The following WHRN variants were observed in gnomAD, a reference collection of about 807,000 sequenced individuals.
WHRN encodes the protein whirlin.
WHRN carries 41 observed loss-of-function variants against 68.3 expected under a neutral mutation model. That is an observed-to-expected ratio of 0.60 (90% CI 0.47 to 0.78). WHRN has a LOEUF of 0.78. Among genes scored for constraint, WHRN ranks in the 30% least tolerant of loss-of-function variants. WHRN has a pLI of 0.00. For missense variants in WHRN, 1,243 were observed against 1,244.7 expected (o/e 1.00, Z 0.02); for synonymous variants, 560 against 561.3 (o/e 1.00, Z 0.03).
intron 4 of WHRN, chr9:114,425,677 T>G (rs767713280): frequency 1.7e-5 from 4 of 238,172 alleles, no homozygotes; most frequent in Non-Finnish European, 3.3e-5. Context: ...TGCAGTGTAT[T>G]TGGCCAGGTG....
intron 7 of WHRN, among the ~76,000 whole-genome samples, chr9:114,419,585 G>C (rs550158897): frequency 6.6e-6 from 1 of 152,348 alleles, no homozygotes; most frequent in East Asian, 1.9e-4. Flanking sequence ...CACTCCCCTT[G>C]GGAGGATCAG....
Position 114,426,127 on chromosome 9 carries a change from C to T in WHRN, c.1166+84G>A, listed in dbSNP as rs558011336. ...CTGCAGGCTGAGAGGAGAGCCAGGG[C>T]GGTGGAGGGATGGGAGGCAGCTATC... On this transcript the variant is annotated intron_variant, in intron 4 of 11. Coordinates refer to ENST00000362057, the MANE Select transcript of WHRN (RefSeq NM_015404.4). The T allele has an allele frequency of 6.6e-5, 104 of 1,571,716 alleles. 1 individual carries two copies. In the Admixed American group the frequency reaches 1.2e-3, roughly 18 times the overall value.
In WHRN at chr9:114,504,745, G is replaced by A; in HGVS notation, c.57C>T (p.Gly19=). 4 of 1,507,268 alleles carry A rather than the reference G, an allele frequency of 2.7e-6. No individual in the cohort carries two copies. Among genetic ancestry groups the A allele is most frequent in the Non-Finnish European group, 3.5e-6 (4 of 1,137,570 alleles). The allele number at this position is 1,507,268 out of a possible 1,614,324, so 93.4% of individuals were successfully genotyped here. A position where few individuals can be genotyped will look rare whatever the true frequency, so the allele number is the denominator to read the frequency against. The part of the protein sequence containing the change: ...SVSSSSTGSL[G]SAAGAGGGGG... Reference sequence around the variant, plus strand: ...CGCCGCCGCCCGCCCCGGCCGCCGAGCCCAGCGAGCCGGTGGAGGACGAGC... The same window carrying A: ...CGCCGCCGCCCGCCCCGGCCGCCGAACCCAGCGAGCCGGTGGAGGACGAGC... The change falls in exon 1 of 12, where the codon GGC becomes GGT. Residue 19 remains glycine, a synonymous_variant. Transcript: ENST00000362057.
intron 1 of WHRN, among the ~76,000 whole-genome samples, chr9:114,486,293 G>A (rs1011526639): frequency 1.3e-5 from 2 of 151,886 alleles, no homozygotes; most frequent in East Asian, 1.9e-4. Context: ...CCTTTCCCAC[G>A]ACCTCCAGAA....
chr9:114,495,046 T>C (rs533923870), intron 1 of WHRN, among the ~76,000 whole-genome samples: 2 of 152,048 alleles, frequency 1.3e-5, no homozygotes, highest in South Asian at 4.2e-4. Context: ...ACAGGATAAG[T>C]GGTGTCAACA....
intron 3 of WHRN, among the ~76,000 whole-genome samples, chr9:114,451,413 C>T (rs898251107): frequency 6.6e-6 from 1 of 152,186 alleles, no homozygotes; most frequent in Non-Finnish European, 1.5e-5. Flanking sequence ...CCTCCTGGGG[C>T]TGCCAAGAGG....
At chr9:114,457,432 T>C (rs1407615159) in intron 3 of WHRN, among the ~76,000 whole-genome samples, 1 of 152,112 alleles carries the variant, frequency 6.6e-6, no homozygotes, top group African/African-American at 2.4e-5. Context: ...GCCATAATAG[T>C]GTCATTACGT....
In WHRN at chr9:114,501,551, T is replaced by TACACACACACACACAC. The variant is rs59195050; in HGVS notation, c.618+2617_618+2632dup. Among the ~76,000 whole-genome samples, 371 of 144,958 alleles carry TACACACACACACACAC rather than the reference T, an allele frequency of 2.6e-3. 5 individuals carry two copies. Among genetic ancestry groups the TACACACACACACACAC allele is most frequent in the Admixed American group, 0.018 (264 of 14,528 alleles). ...AAATTTAATTTAATTTAATTTTTAT[T>TACACACACACACACAC]ACACACACACACACACACACACACA... On this transcript the variant is annotated intron_variant, in intron 1 of 11. Coordinates refer to ENST00000362057, the MANE Select transcript of WHRN (RefSeq NM_015404.4).
chr9:114,414,500 T>C (rs748498639), intron 7 of WHRN, among the ~76,000 whole-genome samples: 13 of 152,176 alleles, frequency 8.5e-5, no homozygotes, highest in Non-Finnish European at 1.5e-4. Flanking sequence ...CCTAAGTCAG[T>C]GCTTTGTCCA....
chr9:114,415,877 GC>G (rs1289900249), intron 7 of WHRN, among the ~76,000 whole-genome samples: 2 of 151,996 alleles, frequency 1.3e-5, no homozygotes, highest in African/African-American at 4.8e-5. Flanking sequence ...GAAAAATAAG[GC>G]CCTTTGACAG....
In WHRN at chr9:114,486,409, G is replaced by C. The variant is rs374435337; in HGVS notation, c.619-7638C>G. Among the ~76,000 whole-genome samples the C allele has an allele frequency of 5.3e-5, 8 of 152,254 alleles. No individual in the cohort carries two copies. In the East Asian group the frequency reaches 1.2e-3, roughly 22 times the overall value. ...GGCTCTGAGTCACATTCGTGATCTT[G>C]TCTTTAAGACTACAAGACAAGTTCC... On this transcript the variant is annotated intron_variant, in intron 1 of 11. Coordinates refer to ENST00000362057, the MANE Select transcript of WHRN (RefSeq NM_015404.4).
At chr9:114,404,366 G>C (rs1412306436) in intron 9 of WHRN, among the ~76,000 whole-genome samples, 1 of 152,222 alleles carries the variant, frequency 6.6e-6, no homozygotes, top group Non-Finnish European at 1.5e-5. Context: ...ATAAAACAGA[G>C]GTCAGGAGGC....
At chr9:114,421,179 C>T (rs1836249149) in intron 7 of WHRN, among the ~76,000 whole-genome samples, 1 of 152,216 alleles carries the variant, frequency 6.6e-6, no homozygotes, top group African/African-American at 2.4e-5. Flanking sequence ...GGCTTGCCTT[C>T]CCCAGGGTGC....
chr9:114,445,889 T>A (rs1475051950), intron 3 of WHRN, among the ~76,000 whole-genome samples: 1 of 152,194 alleles, frequency 6.6e-6, no homozygotes, highest in African/African-American at 2.4e-5. Flanking sequence ...TAGAAACAGC[T>A]AAATGCCTGA....
rs144857920 is a variant in WHRN at position 114,415,584 on chromosome 9, G to T, written c.1627-7566C>A. 3.2e-3 allele frequency among the ~76,000 whole-genome samples: 485 copies of T among 152,254 alleles called. 2 individuals are homozygous for T. The highest frequency in any genetic ancestry group is 4.7e-3 in the Non-Finnish European group (323 of 68,030). On this transcript the variant is annotated intron_variant, in intron 7 of 11. Coordinates refer to ENST00000362057, the MANE Select transcript of WHRN (RefSeq NM_015404.4). ...TCCCCAAGTACCCCAGACTGGTCGG[G>T]GCCCATGTATGTTCTCACACCACCC...
At chr9:114,491,555 C>A in intron 1 of WHRN, 2 of 181,600 alleles carry the variant, frequency 1.1e-5, no homozygotes, top group South Asian at 2.7e-4. Flanking sequence ...GAGCCGCTGC[C>A]ATCACCATGA....
chr9:114,491,954 T>C (rs1313645981), intron 1 of WHRN, among the ~76,000 whole-genome samples: 1 of 151,186 alleles, frequency 6.6e-6, no homozygotes, highest in Admixed American at 6.6e-5. Flanking sequence ...GGTTACCCCT[T>C]CCCAGTGTTT....
chr9:114,468,336 G>A (rs945532543), intron 2 of WHRN, among the ~76,000 whole-genome samples: 6 of 152,202 alleles, frequency 3.9e-5, no homozygotes, highest in South Asian at 4.2e-4. Context: ...TCACACAGTC[G>A]CAGCCAACTC....
rs77595841 is a variant in WHRN at position 114,446,320 on chromosome 9, T to C, written c.964-19907A>G. On this transcript the variant is annotated intron_variant, in intron 3 of 11. Transcript: ENST00000362057. ...TCTAGAGAGACAGAAAGCAGATTAG[T>C]AGCAGTTTTCAGGGAGTGAAGGGAG... Among the ~76,000 whole-genome samples the C allele has an allele frequency of 1.3e-3, 192 of 151,676 alleles. 1 individual carries two copies. Among genetic ancestry groups the C allele is most frequent in the African/African-American group, 4.5e-3 (185 of 40,962 alleles).
Sources: gnomAD v4.1 joint callset for allele counts (sites outside exome capture counted in the v4.1 genomes callset) on GRCh38, gnomAD v4.1.1 for gene constraint, MANE v1.5 for transcripts, NCBI Gene and HGNC (gene_info 2026-07-23, HGNC 2026-07-21) for gene names.